The following PMFBP1 variants were observed in gnomAD, a reference collection of about 807,000 sequenced individuals.
PMFBP1 encodes polyamine modulated factor 1 binding protein 1.
PMFBP1 carries 131 observed loss-of-function variants against 137.8 expected under a neutral mutation model. The observed-to-expected ratio is 0.95, with a 90% CI of 0.82 to 1.10. The LOEUF (loss-of-function observed/expected upper bound fraction) is 1.10. Ranked by LOEUF, PMFBP1 falls within the 50% of genes least tolerant of loss-of-function variation. The probability of loss-of-function intolerance (pLI) is 0.00; values close to 1 mark genes in which losing one functional copy is unlikely to be tolerated. For synonymous variants in PMFBP1, 490 were observed against 450.4 expected (o/e 1.09, Z -1.11); for missense variants, 1,199 against 1,175.4 (o/e 1.02, Z -0.29).
chr16:72,171,342 A>G (rs944056271), intron 1 of PMFBP1, 74 bp from the exon 2 acceptor site: 6 of 1,003,572 alleles, frequency 6.0e-6, no homozygotes, highest in Non-Finnish European at 9.0e-6. Context: ...TCCCAGCTGG[A>G]TCTATGCCCT....
chr16:72,148,469 T>C (rs929628550), intron 5 of PMFBP1, among the ~76,000 whole-genome samples: 2 of 152,294 alleles, frequency 1.3e-5, no homozygotes, highest in African/African-American at 4.8e-5. Flanking sequence ...TGTTTACCTA[T>C]GTAACAAACC....
intron 4 of PMFBP1, among the ~76,000 whole-genome samples, chr16:72,151,445 G>C (rs2042902100): frequency 6.6e-6 from 1 of 152,190 alleles, no homozygotes; most frequent in African/African-American, 2.4e-5. Flanking sequence ...CCCTCAAAGA[G>C]TTTAAAACTT....
At chr16:72,129,607 C>A (rs1038783800) in intron 12 of PMFBP1, among the ~76,000 whole-genome samples, 1 of 152,128 alleles carries the variant, frequency 6.6e-6, no homozygotes, top group Non-Finnish European at 1.5e-5. Context: ...AATTGACTGA[C>A]AATTATCTCC....
At chr16:72,217,821 A>T in the PMFBP1 span, among the ~76,000 whole-genome samples, 1 of 152,042 alleles carries the variant, frequency 6.6e-6, no homozygotes, top group South Asian at 2.1e-4. Flanking sequence ...CTGGGCAACA[A>T]GAGTGAAAGT....
At chr16:72,134,008 T>C (rs888335681) in intron 9 of PMFBP1, among the ~76,000 whole-genome samples, 1 of 152,138 alleles carries the variant, frequency 6.6e-6, no homozygotes, top group Non-Finnish European at 1.5e-5. Context: ...TCCCAACTAC[T>C]TGGGAGGCTG....
At chr16:72,237,650 A>C in the PMFBP1 span, among the ~76,000 whole-genome samples, 1 of 151,962 alleles carries the variant, frequency 6.6e-6, no homozygotes, top group East Asian at 1.9e-4. Context: ...TTTTTAAAAA[A>C]ACTTTCATTT....
the PMFBP1 span, among the ~76,000 whole-genome samples, chr16:72,198,519 A>G: frequency 6.6e-6 from 1 of 151,806 alleles, no homozygotes; most frequent in South Asian, 2.1e-4. Flanking sequence ...CCCTGGGGAG[A>G]GCTGCCCTCC....
At chr16:72,181,109 C>T (rs1044693495), upstream of PMFBP1, among the ~76,000 whole-genome samples, 13 of 151,800 alleles carry the variant, frequency 8.6e-5, no homozygotes, top group Admixed American at 2.0e-4. Context: ...CGTGGTGGCG[C>T]GCGCCTGTAA....
At chr16:72,198,729 CATA>C in the PMFBP1 span, among the ~76,000 whole-genome samples, 3 of 152,134 alleles carry the variant, frequency 2.0e-5, no homozygotes, top group African/African-American at 7.2e-5. Flanking sequence ...ACAGCCCCAT[CATA>C]ATAAGGCAAA....
chr16:72,229,765 G>A, the PMFBP1 span, among the ~76,000 whole-genome samples: 1 of 152,152 alleles, frequency 6.6e-6, no homozygotes, highest in Non-Finnish European at 1.5e-5. Context: ...TGTCTCTCCT[G>A]TGTCCATTAG....
At chr16:72,247,378 A>T in the PMFBP1 span, among the ~76,000 whole-genome samples, 1 of 152,212 alleles carries the variant, frequency 6.6e-6, no homozygotes, top group East Asian at 1.9e-4. Context: ...CAACTTGCAA[A>T]ATAATAAGCT....
the PMFBP1 span, among the ~76,000 whole-genome samples, chr16:72,209,416 T>C: frequency 1.3e-5 from 2 of 152,254 alleles, no homozygotes; most frequent in Admixed American, 1.3e-4. Context: ...AGTTATTATA[T>C]ATTGTTATCA....
chr16:72,249,682 T>A, the PMFBP1 span, among the ~76,000 whole-genome samples: 70 of 151,430 alleles, frequency 4.6e-4, no homozygotes, highest in Non-Finnish European at 5.9e-5. Context: ...GTTGAGAGGC[T>A]TAGGCAGGTG....
chr16:72,180,448 T>C (rs997524157), upstream of PMFBP1, among the ~76,000 whole-genome samples: 2 of 152,182 alleles, frequency 1.3e-5, no homozygotes, highest in South Asian at 2.1e-4. Flanking sequence ...GCAGAAGCCG[T>C]GTTGAGTTTC....
At chr16:72,166,730 G>A (rs1018299139) in intron 2 of PMFBP1, among the ~76,000 whole-genome samples, 8 of 152,216 alleles carry the variant, frequency 5.3e-5, no homozygotes, top group Admixed American at 1.3e-4. Flanking sequence ...CTTGATTGGT[G>A]TCAATGAAAG....
intron 5 of PMFBP1, among the ~76,000 whole-genome samples, chr16:72,148,537 A>T (rs1422823562): frequency 2.6e-5 from 4 of 152,200 alleles, no homozygotes; most frequent in Non-Finnish European, 4.4e-5. Context: ...AATAAAAAAA[A>T]TTAAAATATT....
chr16:72,150,181 G>A (rs906424166), intron 5 of PMFBP1, among the ~76,000 whole-genome samples: 14 of 152,166 alleles, frequency 9.2e-5, no homozygotes, highest in African/African-American at 2.9e-4. Flanking sequence ...GCCCCCTGCC[G>A]GACCCCCATG....
the PMFBP1 span, among the ~76,000 whole-genome samples, chr16:72,208,401 C>A: frequency 6.6e-6 from 1 of 152,198 alleles, no homozygotes; most frequent in South Asian, 2.1e-4. Flanking sequence ...ATAAAAGAGA[C>A]CTTCTGACTT....
chr16:72,183,783 T>A, the PMFBP1 span, among the ~76,000 whole-genome samples: 3 of 152,070 alleles, frequency 2.0e-5, no homozygotes, highest in Non-Finnish European at 4.4e-5. Flanking sequence ...CCAGCCACCG[T>A]CTTCTCTCTC....
Sources: gnomAD v4.1 joint callset for allele counts (sites outside exome capture counted in the v4.1 genomes callset) on GRCh38, gnomAD v4.1.1 for gene constraint, MANE v1.5 for transcripts, NCBI Gene and HGNC (gene_info 2026-07-23, HGNC 2026-07-21) for gene names.